Variants in UBE2O observed in about 807,000 individuals in gnomAD.
The protein encoded by UBE2O is (E3-independent) E2 ubiquitin-conjugating enzyme.
UBE2O carries 15 observed loss-of-function variants against 125.8 expected under a neutral mutation model. That is an observed-to-expected ratio of 0.12 (90% CI 0.08 to 0.18). The LOEUF is 0.18. Among genes scored for constraint, UBE2O ranks in the 10% least tolerant of loss-of-function variants. The pLI is 1.00. For synonymous variants in UBE2O, 708 were observed against 703.2 expected, an observed-to-expected ratio of 1.01 and a Z score of -0.11; for missense variants, 1,280 against 1,723.6, an observed-to-expected ratio of 0.74 and a Z score of 4.56.
chr17:76,397,231 G>A (rs1385134115), intron 13 of UBE2O, among the ~76,000 whole-genome samples: 1 of 152,222 alleles, frequency 6.6e-6, no homozygotes, highest in Non-Finnish European at 1.5e-5. Flanking sequence ...ACATGTAGAA[G>A]GGCCGACATA....
chr17:76,398,733 C>T lies in UBE2O; in HGVS notation c.1783+104G>A. On this transcript the variant is annotated intron_variant, in intron 10 of 17. Transcript: ENST00000319380. The surrounding 1 kb of genome is among the most constrained non-coding windows in gnomAD (Gnocchi z 5.4). ...ATGAGGGCAGTCCCCTTCTGGACCT[C>T]ATTTTAGCTCTGACCCCAGATCCAC... The T allele has an allele frequency of 6.6e-7, 1 of 1,515,554 alleles. No homozygotes were observed. Among genetic ancestry groups the T allele is most frequent in the African/African-American group, 1.4e-5 (1 of 73,074 alleles). The allele number at this position is 1,515,554 out of a possible 1,614,324, so 93.9% of individuals were successfully genotyped here.
chr17:76,442,100 G>A (rs202120728), intron 1 of UBE2O, among the ~76,000 whole-genome samples: 1 of 152,102 alleles, frequency 6.6e-6, no homozygotes, highest in East Asian at 1.9e-4. Flanking sequence ...TCTTACAGGG[G>A]AAATGCAGCC....
intron 1 of UBE2O, among the ~76,000 whole-genome samples, chr17:76,416,122 C>G (rs189010469): frequency 1.3e-5 from 2 of 150,722 alleles, no homozygotes; most frequent in Non-Finnish European, 3.0e-5. Context: ...TACATATATA[C>G]ATATATGTGC....
intron 1 of UBE2O, among the ~76,000 whole-genome samples, chr17:76,433,150 G>A (rs1430208190): frequency 6.6e-6 from 1 of 151,852 alleles, no homozygotes; most frequent in Non-Finnish European, 1.5e-5. Flanking sequence ...GCTTATAGCA[G>A]CATTATTCAG....
At position 76,402,208 on chromosome 17, in the gene UBE2O, G is replaced by T; in HGVS notation, c.687-81C>A. The T allele has an allele frequency of 8.1e-7, 1 of 1,236,542 alleles. No homozygotes were observed. The highest frequency in any genetic ancestry group is 1.2e-6 in the Non-Finnish European group (1 of 854,942). 76.6% of individuals were successfully genotyped at this position (1,236,542 alleles called of 1,614,324 possible). A position where few individuals can be genotyped will look rare whatever the true frequency, so the allele number is the denominator to read the frequency against. On this transcript the variant is annotated intron_variant, in intron 4 of 17. Coordinates refer to ENST00000319380, the MANE Select transcript of UBE2O (RefSeq NM_022066.4). The surrounding 1 kb of genome is among the most constrained non-coding windows in gnomAD (Gnocchi z 5.4). ...AGTTGCGATTCTGAGATGCCAATGC[G>T]CCCACATGCCCTAAATAGCACAATT...
At chr17:76,415,521 T>C (rs1268740101) in intron 1 of UBE2O, among the ~76,000 whole-genome samples, 2 of 152,180 alleles carry the variant, frequency 1.3e-5, no homozygotes, top group Non-Finnish European at 2.9e-5. Context: ...AGTGTGGCCC[T>C]GGGCCTGGCG....
intron 1 of UBE2O, among the ~76,000 whole-genome samples, chr17:76,409,190 G>A (rs1388036085): frequency 3.9e-5 from 6 of 152,040 alleles, no homozygotes; most frequent in Non-Finnish European, 8.8e-5. Context: ...CGATGCTCTC[G>A]ATCTCCTAAC....
chr17:76,440,134 G>A lies in UBE2O; in HGVS notation c.417+12591C>T, dbSNP rs1452362608. Reference sequence around the variant, plus strand: ...ATGCCAGGTGCTATGAGGGAAAAAAGCTGAGTAGGAGATCACAGCGATGGT... The same window carrying A: ...ATGCCAGGTGCTATGAGGGAAAAAAACTGAGTAGGAGATCACAGCGATGGT... On this transcript the variant is annotated intron_variant, in intron 1 of 17. Coordinates refer to ENST00000319380, the MANE Select transcript of UBE2O (RefSeq NM_022066.4). Among the ~76,000 whole-genome samples the A allele has an allele frequency of 3.3e-5, 5 of 152,172 alleles. 1 individual carries two copies. Among genetic ancestry groups the A allele is most frequent in the South Asian group, 4.1e-4 (2 of 4,824 alleles).
intron 1 of UBE2O, among the ~76,000 whole-genome samples, chr17:76,445,570 C>T (rs1310879663): frequency 6.6e-6 from 1 of 152,208 alleles, no homozygotes; most frequent in African/African-American, 2.4e-5. Flanking sequence ...CAGGAGAACA[C>T]AGCCTACCTG....
chr17:76,441,975 T>C (rs998889172), intron 1 of UBE2O, among the ~76,000 whole-genome samples: 2 of 152,218 alleles, frequency 1.3e-5, no homozygotes, highest in Non-Finnish European at 2.9e-5. Context: ...CTTTTTCCAA[T>C]AGAGAGCCTC....
At chr17:76,403,129 G>A (rs1386710600) in intron 3 of UBE2O, among the ~76,000 whole-genome samples, 1 of 152,128 alleles carries the variant, frequency 6.6e-6, no homozygotes, top group East Asian at 1.9e-4. Context: ...AGGATATCGA[G>A]AGCCAAGTCC....
rs2072353050 is a variant in UBE2O at position 76,402,877 on chromosome 17, AGGCTG to A, written c.589-183_589-179del. Among the ~76,000 whole-genome samples, 1 of 151,260 alleles carries A rather than the reference AGGCTG, an allele frequency of 6.6e-6. No homozygotes were observed. Among genetic ancestry groups the A allele is most frequent in the African/African-American group, 2.5e-5 (1 of 40,680 alleles). On this transcript the variant is annotated intron_variant, in intron 3 of 17. Coordinates refer to ENST00000319380, the MANE Select transcript of UBE2O (RefSeq NM_022066.4). This position sits in a 1 kb window ranked among gnomAD's most constrained non-coding sequence, Gnocchi z 5.4. ...GCAGCAGGCCCTCCCTACAAGTTCT[AGGCTG>A]CATCCCAGCTGCTCTTCCCAGTGAG... is the stretch of plus-strand genomic sequence containing the variant.
intron 15 of UBE2O, among the ~76,000 whole-genome samples, chr17:76,392,632 T>A (rs2072132424): frequency 6.6e-6 from 1 of 151,962 alleles, no homozygotes; most frequent in Admixed American, 6.6e-5. Context: ...TCTTATCAGG[T>A]GTTTTTCCTC....
chr17:76,411,577 C>G (rs2072516720), intron 1 of UBE2O, among the ~76,000 whole-genome samples: 1 of 152,262 alleles, frequency 6.6e-6, no homozygotes, highest in Non-Finnish European at 1.5e-5. Context: ...CTCCAGGTGT[C>G]AGACACCAGG....
At chr17:76,393,302 G>C (rs572734075) in intron 15 of UBE2O, among the ~76,000 whole-genome samples, 1 of 98 alleles carries the variant, frequency 0.01, no homozygotes, top group South Asian at 0.17. Context: ...GTATAGCTCT[G>C]TCCCCAGGCT....
chr17:76,418,406 C>T (rs540403702), intron 1 of UBE2O, among the ~76,000 whole-genome samples: 6 of 152,168 alleles, frequency 3.9e-5, no homozygotes, highest in South Asian at 2.1e-4. Context: ...AACTGCGAGG[C>T]GCCATTTGGC....
chr17:76,416,748 T>C (rs930860787), intron 1 of UBE2O, among the ~76,000 whole-genome samples: 32 of 152,276 alleles, frequency 2.1e-4, no homozygotes, highest in African/African-American at 7.5e-4. Flanking sequence ...GGCTGGGTCA[T>C]TAGGTCCTAA....
In UBE2O at chr17:76,391,432, G is replaced by A. The variant is rs1006370474; in HGVS notation, c.3390C>T (p.His1130=). 7 of 1,613,630 alleles carry A rather than the reference G, an allele frequency of 4.3e-6. No homozygotes were observed. In the African/African-American group the frequency reaches 5.3e-5, roughly 12 times the overall value. The change falls in exon 18 of 18, where the codon CAC becomes CAT. Residue 1130 remains histidine, a synonymous_variant. Coordinates refer to ENST00000319380, the MANE Select transcript of UBE2O (RefSeq NM_022066.4). The surrounding 1 kb of genome is among the most constrained non-coding windows in gnomAD (Gnocchi z 8.4). The stretch of plus-strand genomic sequence containing the variant: ...CCAGCCGCCAGCCACCAGTGCTAAA[G>A]TGTTGCCTGATCTCCTGCTCAAAGA... ...PEVFEQEIRQ[H]FSTGGWRLVN...
rs1335241169 is a variant in UBE2O, at chr17:76,399,795, C to T, written c.1282G>A (p.Glu428Lys). 6.2e-7 allele frequency: 1 copy of T among 1,614,118 alleles called. No homozygotes were observed. Among genetic ancestry groups the T allele is most frequent in the Non-Finnish European group, 8.5e-7 (1 of 1,180,046 alleles). ...GGCGTCTCCTCAGGGCTGGCAGACT[C>T]CGCTTCGCTCTTGGTTTTGGATTCC... ...KGESKTKSEA[E>K]SASPEETPDG... Residue 428 changes from glutamate to lysine, a missense_variant, in exon 9 of 18, where the codon GAG becomes AAG. By Grantham distance (56) the Glu-to-Lys change is moderately conservative. Transcript: ENST00000319380. This position sits in a 1 kb window ranked among gnomAD's most constrained non-coding sequence, Gnocchi z 6.9.
Sources: allele counts gnomAD v4.1 joint callset (sites outside exome capture counted in the v4.1 genomes callset), GRCh38; gene constraint gnomAD v4.1.1; non-coding constraint Gnocchi (gnomAD v3.1); transcripts MANE v1.5; gene names NCBI Gene and HGNC (gene_info 2026-07-23, HGNC 2026-07-21).